The following PUS7 variants were observed in gnomAD, a reference collection of about 807,000 sequenced individuals.
The protein encoded by PUS7 is pseudouridylate synthase 7 homolog.
In PUS7, 48 loss-of-function variants were observed where a neutral mutation model predicts 79.8. The ratio of observed to expected loss-of-function variants is 0.60; its 90% CI spans 0.48 to 0.76. The LOEUF (loss-of-function observed/expected upper bound fraction) is 0.76, where lower values mean the gene tolerates loss of function less well. Among genes scored for constraint, PUS7 ranks in the 30% least tolerant of loss-of-function variants. The pLI is 0.00. For missense variants in PUS7, 729 were observed against 797.6 expected, an observed-to-expected ratio of 0.91 and a Z score of 1.04; for synonymous variants, 286 against 272.2, an observed-to-expected ratio of 1.05 and a Z score of -0.50.
intron 14 of PUS7, among the ~76,000 whole-genome samples, chr7:105,461,173 A>G (rs1309221450): frequency 6.6e-6 from 1 of 152,208 alleles, no homozygotes; most frequent in East Asian, 1.9e-4. Flanking sequence ...TTTCCTCTCT[A>G]GAAACATGAT....
intron 5 of PUS7, among the ~76,000 whole-genome samples, chr7:105,500,557 G>GT (rs1012284735): frequency 1.1e-4 from 16 of 152,166 alleles, no homozygotes; most frequent in African/African-American, 3.9e-4. Context: ...ACCAAGCAGA[G>GT]TAAGACCTTG....
chr7:105,491,836 C>T (rs1461605262), intron 6 of PUS7, among the ~76,000 whole-genome samples: 1 of 152,104 alleles, frequency 6.6e-6, no homozygotes, highest in Admixed American at 6.6e-5. Flanking sequence ...ACAGGTGGAT[C>T]ACCTGAGGTC....
chr7:105,460,213 C>T (rs1249567527), intron 14 of PUS7, among the ~76,000 whole-genome samples: 1 of 152,050 alleles, frequency 6.6e-6, no homozygotes, highest in Non-Finnish European at 1.5e-5. Context: ...GCTGGGATTA[C>T]AGGCGTGAGC....
chr7:105,475,474 C>T (rs1049484396), intron 9 of PUS7, among the ~76,000 whole-genome samples: 1 of 151,882 alleles, frequency 6.6e-6, no homozygotes, highest in African/African-American at 2.4e-5. Context: ...CGTCAGCCAC[C>T]GTGCCAGGCC....
At chr7:105,460,437 G>A (rs1249500522) in intron 14 of PUS7, among the ~76,000 whole-genome samples, 1 of 152,174 alleles carries the variant, frequency 6.6e-6, no homozygotes, top group Non-Finnish European at 1.5e-5. Context: ...CAGAGAGGAG[G>A]AGGTAAGAGA....
chr7:105,461,439 T>G (rs1823422950), intron 14 of PUS7, among the ~76,000 whole-genome samples: 1 of 152,194 alleles, frequency 6.6e-6, no homozygotes, highest in Admixed American at 6.6e-5. Context: ...CAGGCTTGTC[T>G]CAAACTCCTG....
intron 7 of PUS7, among the ~76,000 whole-genome samples, chr7:105,490,800 C>G (rs891614089): frequency 1.5e-4 from 23 of 152,196 alleles, no homozygotes; most frequent in African/African-American, 5.3e-4. Context: ...GAATCTAGAC[C>G]AGTGGTTCCC....
chr7:105,492,479 C>T (rs1406361971), intron 6 of PUS7, among the ~76,000 whole-genome samples: 1 of 150,128 alleles, frequency 6.7e-6, no homozygotes, highest in Admixed American at 6.6e-5. Context: ...CATGCACCAC[C>T]ACATCTGGCT....
chr7:105,476,349 T>A (rs1261440652), intron 9 of PUS7, among the ~76,000 whole-genome samples: 1 of 152,116 alleles, frequency 6.6e-6, no homozygotes, highest in South Asian at 2.1e-4. Flanking sequence ...TGCTGGTTCA[T>A]AACATAATTT....
At chr7:105,466,784 T>C (rs1037025579) in intron 12 of PUS7, among the ~76,000 whole-genome samples, 3 of 151,262 alleles carry the variant, frequency 2.0e-5, no homozygotes, top group Admixed American at 6.6e-5. Flanking sequence ...GGAATGTACT[T>C]AAGAGGATGA....
At chr7:105,514,662 C>T (rs1562823451) in intron 1 of PUS7, among the ~76,000 whole-genome samples, 1 of 152,138 alleles carries the variant, frequency 6.6e-6, no homozygotes, top group African/African-American at 2.4e-5. Flanking sequence ...GTTGGAATCC[C>T]CAAAACACTT....
intron 15 of PUS7, among the ~76,000 whole-genome samples, chr7:105,458,767 G>T (rs1015942904): frequency 6.6e-6 from 1 of 151,638 alleles, no homozygotes; most frequent in Non-Finnish European, 1.5e-5. Context: ...TAGAGACGGG[G>T]TTTCACCGTG....
At chr7:105,504,172 T>G (rs1165544444) in intron 4 of PUS7, among the ~76,000 whole-genome samples, 2 of 138,250 alleles carry the variant, frequency 1.4e-5, no homozygotes, top group African/African-American at 2.6e-5. Context: ...CAGGTTCAAG[T>G]GATTCTCCCG....
chr7:105,478,746 T>G (rs1824202756), intron 9 of PUS7, among the ~76,000 whole-genome samples: 1 of 152,234 alleles, frequency 6.6e-6, no homozygotes, highest in Non-Finnish European at 1.5e-5. Context: ...GTCTGTTTTT[T>G]CCCTCAGGAA....
At chr7:105,500,356 CACA>C (rs1308922440) in intron 5 of PUS7, among the ~76,000 whole-genome samples, 3 of 152,156 alleles carry the variant, frequency 2.0e-5, no homozygotes, top group East Asian at 1.9e-4. Context: ...TGGATAAAAA[CACA>C]ACATGAGAGA....
Position 105,508,001 on chromosome 7 carries a change from T to C in PUS7, c.398+114A>G, listed in dbSNP as rs994713383. ...CCTTCATCCTATTCCTTTTGATCAG[T>C]AGTATAAACAAGCCTTGGAGATGGA... On this transcript the variant is annotated intron_variant, in intron 2 of 15. Transcript: ENST00000469408. 25 of 1,345,916 alleles carry C rather than the reference T, an allele frequency of 1.9e-5. No homozygotes were observed. The South Asian group carries it at 3.5e-4, about 19-fold the overall frequency. 83.4% of individuals were successfully genotyped at this position (1,345,916 alleles called of 1,614,324 possible).
intron 9 of PUS7, 35 bp downstream of exon 9, chr7:105,481,017 A>G (rs775003959): frequency 1.3e-6 from 2 of 1,594,348 alleles, no homozygotes; most frequent in Admixed American, 3.5e-5. Context: ...TGTTTATGAG[A>G]AAGCTATTTT....
At chr7:105,483,953 G>A (rs1304750001) in intron 7 of PUS7, among the ~76,000 whole-genome samples, 1 of 152,164 alleles carries the variant, frequency 6.6e-6, no homozygotes, top group Non-Finnish European at 1.5e-5. Flanking sequence ...GTCTTTCAAT[G>A]TGGATTTATC....
chr7:105,468,236 T>C lies in PUS7; in HGVS notation c.1525+101A>G, dbSNP rs185691048. The C allele has an allele frequency of 5.0e-3, 7,401 of 1,473,402 alleles. 31 individuals carry two copies. The highest frequency in any genetic ancestry group is 6.2e-3 in the Non-Finnish European group (6,800 of 1,095,044). The allele number at this position is 1,473,402 out of a possible 1,614,324, so 91.3% of individuals were successfully genotyped here. On this transcript the variant is annotated intron_variant, in intron 12 of 15. Coordinates refer to ENST00000469408, the MANE Select transcript of PUS7 (RefSeq NM_019042.5). ...GCGTGTACCACCGTGCCTCACCACATCTCTCTTTCTTAATTAATAGCCAGG... is the reference window on the plus strand; with the variant it reads ...GCGTGTACCACCGTGCCTCACCACACCTCTCTTTCTTAATTAATAGCCAGG...
Sources: allele counts gnomAD v4.1 joint callset (sites outside exome capture counted in the v4.1 genomes callset), GRCh38; gene constraint gnomAD v4.1.1; transcripts MANE v1.5; gene names NCBI Gene and HGNC (gene_info 2026-07-23, HGNC 2026-07-21).